The following THSD7A variants were observed in gnomAD, a reference collection of about 807,000 sequenced individuals.
THSD7A encodes thrombospondin type-1 domain-containing protein 7A.
A neutral mutation model predicts 231.3 loss-of-function variants in THSD7A; 96 were observed. The ratio of observed to expected loss-of-function variants is 0.41; its 90% confidence interval spans 0.35 to 0.49. The LOEUF (loss-of-function observed/expected upper bound fraction) is 0.49, where lower values mean the gene tolerates loss of function less well. Ranked by LOEUF, THSD7A falls within the 20% of genes least tolerant of loss-of-function variation. The pLI is 0.05. For missense variants in THSD7A, 2,290 were observed against 2,070.2 expected, an observed-to-expected ratio of 1.11 and a Z score of -2.06; for synonymous variants, 940 against 743.3, an observed-to-expected ratio of 1.26 and a Z score of -4.30.
At chr7:11,643,974 G>T (rs1428489290) in intron 1 of THSD7A, among the ~76,000 whole-genome samples, 5 of 151,018 alleles carry the variant, frequency 3.3e-5, no homozygotes, top group Non-Finnish European at 7.4e-5. Context: ...TTTGCAGATT[G>T]CTGTTCCTCC....
chr7:11,560,217 T>G (rs1583974940), intron 4 of THSD7A, among the ~76,000 whole-genome samples: 1 of 152,276 alleles, frequency 6.6e-6, no homozygotes, highest in East Asian at 1.9e-4. Context: ...TTTTTGAAAA[T>G]GCAGTATCAT....
At chr7:11,400,173 AG>A (rs1268021216) in intron 23 of THSD7A, among the ~76,000 whole-genome samples, 1 of 99,918 alleles carries the variant, frequency 1.0e-5, no homozygotes, top group African/African-American at 3.7e-5. Context: ...GGGTCGGGGG[AG>A]GGGGGAGGGA....
At chr7:11,422,672 G>C (rs899208317) in intron 16 of THSD7A, among the ~76,000 whole-genome samples, 12 of 148,532 alleles carry the variant, frequency 8.1e-5, no homozygotes, top group Admixed American at 8.0e-4. Flanking sequence ...CCAGTGGTTT[G>C]AGATGGAGTC....
At chr7:11,376,521 G>A (rs754135514) in intron 27 of THSD7A, 49 bp downstream of exon 27, 1 of 1,378,282 alleles carries the variant, frequency 7.3e-7, no homozygotes, top group South Asian at 1.3e-5. Flanking sequence ...TGCTGTTTCT[G>A]TGTTACGATT....
intron 4 of THSD7A, among the ~76,000 whole-genome samples, chr7:11,544,354 CA>C (rs1562704022): frequency 6.6e-6 from 1 of 151,872 alleles, no homozygotes; most frequent in Non-Finnish European, 1.5e-5. Flanking sequence ...AAAAAAAAGT[CA>C]TTTTCTTGGT....
At position 11,462,106 on chromosome 7, in the gene THSD7A, G is replaced by T. The variant is rs757726988; in HGVS notation, c.2406C>A (p.Val802=). ...SSIRKQSRHR[V]IIQLPANGGR... The stretch of plus-strand genomic sequence containing the variant: ...CCCCGTTGGCTGGCAGCTGAATGAT[G>T]ACCCGATGCCTAGACTGCTTCCTGA... Residue 802 remains valine, a synonymous_variant, in exon 10 of 28, where the codon GTC becomes GTA. Transcript: ENST00000423059. 1 of 1,613,774 alleles carries T rather than the reference G, an allele frequency of 6.2e-7. No homozygotes were observed. The highest frequency in any genetic ancestry group is 2.2e-5 in the East Asian group (1 of 44,852).
intron 23 of THSD7A, chr7:11,383,869 G>C (rs1312974729): frequency 2.6e-5 from 4 of 151,968 alleles, no homozygotes; most frequent in African/African-American, 2.4e-5. Flanking sequence ...CATTCTTTCA[G>C]AGTGTGAGTG....
rs1781783440 is a variant in THSD7A at position 11,634,995 on chromosome 7, TG to T, written c.1022+1134del. 3.9e-5 allele frequency among the ~76,000 whole-genome samples: 6 copies of T among 152,152 alleles called. No homozygotes were observed. The South Asian group carries it at 1.2e-3, about 32-fold the overall frequency. On this transcript the variant is annotated intron_variant, in intron 2 of 27. Transcript: ENST00000423059. This position sits in a 1 kb window ranked among gnomAD's most constrained non-coding sequence, Gnocchi z 4.1. ...ATAAAGCTAAATAAAGCTAAAGATATGTTAATAAACAACATGCATGCCACAC... is the reference window on the plus strand; with the variant it reads ...ATAAAGCTAAATAAAGCTAAAGATATTTAATAAACAACATGCATGCCACAC...
intron 6 of THSD7A, among the ~76,000 whole-genome samples, chr7:11,515,832 G>A (rs558095921): frequency 7.9e-4 from 121 of 152,202 alleles, no homozygotes; most frequent in Non-Finnish European, 1.5e-3. Context: ...AGGGATATAA[G>A]CTCACAAGTT....
chr7:11,537,915 C>T (rs143740666), intron 6 of THSD7A, among the ~76,000 whole-genome samples: 4 of 152,260 alleles, frequency 2.6e-5, no homozygotes, highest in East Asian at 3.9e-4. Flanking sequence ...AGAAGCCAGC[C>T]GGTTTGACAT....
At chr7:11,753,281 T>C (rs1782563941) in intron 1 of THSD7A, among the ~76,000 whole-genome samples, 1 of 152,126 alleles carries the variant, frequency 6.6e-6, no homozygotes, top group African/African-American at 2.4e-5. Flanking sequence ...ATTTCTAAAC[T>C]TGTAGATATA....
chr7:11,442,887 A>G (rs1784849480), intron 13 of THSD7A, among the ~76,000 whole-genome samples: 1 of 152,054 alleles, frequency 6.6e-6, no homozygotes, highest in African/African-American at 2.4e-5. Context: ...CACGAAGTCA[A>G]TGTCATCATG....
At chr7:11,520,164 G>T (rs1445890618) in intron 6 of THSD7A, 1 of 152,200 alleles carries the variant, frequency 6.6e-6, no homozygotes, top group African/African-American at 2.4e-5. Context: ...CAACTACTGA[G>T]ATGTAATATG....
rs1300822691 is a variant in THSD7A at position 11,373,414 on chromosome 7, C to CTGAT, written c.*2376_*2379dup. On this transcript the variant is annotated 3_prime_UTR_variant, in exon 28 of 28. Coordinates refer to ENST00000423059, the MANE Select transcript of THSD7A (RefSeq NM_015204.3). ...AACTTTAGGATTATCTGGAAGACCCCTGATTATATATATTGACAATCACAG... is the reference window on the plus strand; with the variant it reads ...AACTTTAGGATTATCTGGAAGACCCCTGATTGATTATATATATTGACAATCACAG... 1 of 151,912 alleles carries CTGAT rather than the reference C, an allele frequency of 6.6e-6. No individual in the cohort carries two copies. The highest frequency in any genetic ancestry group is 1.5e-5 in the Non-Finnish European group (1 of 67,944). 9.4% of individuals were successfully genotyped at this position (151,912 alleles called of 1,614,324 possible).
intron 5 of THSD7A, 82 bp from the exon 6 acceptor site, chr7:11,541,713 A>G (rs1254632697): frequency 3.8e-6 from 5 of 1,321,180 alleles, no homozygotes; most frequent in Middle Eastern, 2.5e-4. Context: ...CTCAGAGTAA[A>G]AGTTGGATAA....
intron 23 of THSD7A, among the ~76,000 whole-genome samples, chr7:11,399,122 G>A (rs1783303324): frequency 6.6e-6 from 1 of 152,164 alleles, no homozygotes; most frequent in Non-Finnish European, 1.5e-5. Context: ...TCAACAAGGA[G>A]TTGTCTGTTT....
At chr7:11,398,755 C>G (rs1254823369) in intron 23 of THSD7A, among the ~76,000 whole-genome samples, 3 of 151,432 alleles carry the variant, frequency 2.0e-5, no homozygotes, top group African/African-American at 4.9e-5. Context: ...GAGTGTCTGA[C>G]CATCTACACA....
intron 4 of THSD7A, among the ~76,000 whole-genome samples, chr7:11,557,462 T>C (rs1789894905): frequency 6.6e-6 from 1 of 152,100 alleles, no homozygotes; most frequent in African/African-American, 2.4e-5. Flanking sequence ...TTGGCTGCTA[T>C]TTATTTATTT....
chr7:11,743,428 A>C (rs1284151665), intron 1 of THSD7A, among the ~76,000 whole-genome samples: 1 of 151,938 alleles, frequency 6.6e-6, no homozygotes, highest in Non-Finnish European at 1.5e-5. Flanking sequence ...TTTTTGGATA[A>C]GGCCAATGGA....
Sources: allele counts gnomAD v4.1 joint callset (sites outside exome capture counted in the v4.1 genomes callset), GRCh38; gene constraint gnomAD v4.1.1; non-coding constraint Gnocchi (gnomAD v3.1); transcripts MANE v1.5; gene names NCBI Gene and HGNC (gene_info 2026-07-23, HGNC 2026-07-21).